Variants in TMEM117 observed in about 807,000 individuals in gnomAD.
TMEM117 encodes transmembrane protein 117.
Under a neutral mutation model 52.4 loss-of-function variants are expected in TMEM117, and 27 were observed. That is an observed-to-expected ratio of 0.51 (90% CI 0.38 to 0.71). The LOEUF is 0.71. Ranked by LOEUF, TMEM117 falls within the 30% of genes least tolerant of loss-of-function variation. The pLI is 0.00. For missense variants in TMEM117, 556 were observed against 630.5 expected, an observed-to-expected ratio of 0.88 and a Z score of 1.26; for synonymous variants, 215 against 206.3, an observed-to-expected ratio of 1.04 and a Z score of -0.36.
intron 2 of TMEM117, among the ~76,000 whole-genome samples, chr12:43,912,762 T>G (rs1944535451): frequency 1.3e-5 from 2 of 152,052 alleles, no homozygotes. Context: ...TTAATATATG[T>G]GTAGCCTTTA....
At chr12:43,833,381 C>T (rs752956310), upstream of TMEM117, among the ~76,000 whole-genome samples, 2 of 152,094 alleles carry the variant, frequency 1.3e-5, no homozygotes, top group Non-Finnish European at 2.9e-5. Context: ...GATTTTTATC[C>T]CACTATCCCC....
At position 44,389,530 on chromosome 12, in the gene TMEM117, A is replaced by G. The variant is rs1457282152; in HGVS notation, c.*858A>G. 6.6e-6 allele frequency: 1 copy of G among 152,510 alleles called. No homozygotes were observed. Among genetic ancestry groups the G allele is most frequent in the Non-Finnish European group, 1.5e-5 (1 of 67,996 alleles). 9.4% of individuals were successfully genotyped at this position (152,510 alleles called of 1,614,324 possible). On this transcript the variant is annotated 3_prime_UTR_variant, in exon 8 of 8. Transcript: ENST00000266534. ...ATGAGAGCAGCACATCCCACCATTT[A>G]CAATATTCGTATATCTTTCTGCAAA...
At chr12:44,114,707 G>A (rs1267530874) in intron 3 of TMEM117, among the ~76,000 whole-genome samples, 2 of 152,170 alleles carry the variant, frequency 1.3e-5, no homozygotes, top group African/African-American at 2.4e-5. Context: ...GAATCTCTCT[G>A]AGCATCAGGG....
At chr12:44,075,661 A>T (rs544211272) in intron 3 of TMEM117, among the ~76,000 whole-genome samples, 6 of 152,258 alleles carry the variant, frequency 3.9e-5, no homozygotes, top group African/African-American at 1.4e-4. Context: ...AATCTAAGCT[A>T]ATTTATTTAA....
intron 3 of TMEM117, among the ~76,000 whole-genome samples, chr12:44,076,713 A>G (rs770142205): frequency 6.6e-6 from 1 of 152,230 alleles, no homozygotes; most frequent in Non-Finnish European, 1.5e-5. Context: ...TTATGCATGG[A>G]TAAACATAGT....
intron 3 of TMEM117, among the ~76,000 whole-genome samples, chr12:43,973,308 G>A (rs188736776): frequency 6.6e-6 from 1 of 152,166 alleles, no homozygotes; most frequent in East Asian, 1.9e-4. Flanking sequence ...TAATTCAGTC[G>A]ACTGAGAAGG....
At chr12:44,024,385 C>G (rs1946500077) in intron 3 of TMEM117, among the ~76,000 whole-genome samples, 1 of 152,054 alleles carries the variant, frequency 6.6e-6, no homozygotes, top group African/African-American at 2.4e-5. Context: ...GGGAGCAGTC[C>G]TCACCGTTAC....
At chr12:44,336,208 T>C (rs1263052190) in intron 6 of TMEM117, among the ~76,000 whole-genome samples, 6 of 152,012 alleles carry the variant, frequency 3.9e-5, no homozygotes, top group Non-Finnish European at 8.8e-5. Flanking sequence ...TCCCAGCATT[T>C]ACTCACCCTG....
intron 2 of TMEM117, among the ~76,000 whole-genome samples, chr12:43,878,123 C>T (rs908786337): frequency 4.7e-5 from 7 of 149,462 alleles, no homozygotes; most frequent in Non-Finnish European, 7.4e-5. Flanking sequence ...AAAATCAGGG[C>T]CTTAACAAAC....
intron 5 of TMEM117, among the ~76,000 whole-genome samples, chr12:44,295,082 G>A (rs1484653013): frequency 2.6e-5 from 4 of 152,118 alleles, no homozygotes; most frequent in East Asian, 1.9e-4. Flanking sequence ...GTTTTCAGAC[G>A]TTATTTCTTT....
chr12:44,107,206 T>A (rs1029595542), intron 3 of TMEM117, among the ~76,000 whole-genome samples: 3 of 152,100 alleles, frequency 2.0e-5, no homozygotes, highest in African/African-American at 4.8e-5. Flanking sequence ...AAATTGAAGT[T>A]AAAAATTAAC....
intron 3 of TMEM117, among the ~76,000 whole-genome samples, chr12:44,012,129 C>T (rs147944393): frequency 8.5e-5 from 13 of 152,238 alleles, no homozygotes; most frequent in Non-Finnish European, 1.0e-4. Context: ...CTTTTTATTG[C>T]GTGGTTTCTG....
intron 4 of TMEM117, among the ~76,000 whole-genome samples, chr12:44,149,931 G>C (rs757084591): frequency 3.3e-5 from 5 of 152,180 alleles, no homozygotes; most frequent in Non-Finnish European, 7.4e-5. Flanking sequence ...AGAAGGCCAG[G>C]ATGAGCAAAC....
At chr12:44,180,442 C>A (rs1476386487) in intron 4 of TMEM117, among the ~76,000 whole-genome samples, 1 of 150,546 alleles carries the variant, frequency 6.6e-6, no homozygotes, top group East Asian at 2.0e-4. Flanking sequence ...CATGCTGGTG[C>A]GCTGCACCCA....
intron 3 of TMEM117, among the ~76,000 whole-genome samples, chr12:44,006,400 A>G (rs1289398842): frequency 6.6e-6 from 1 of 152,154 alleles, no homozygotes; most frequent in Non-Finnish European, 1.5e-5. Context: ...GAGAGAAACA[A>G]CTAGAATGGG....
At chr12:43,922,211 T>C (rs1158354380) in intron 2 of TMEM117, among the ~76,000 whole-genome samples, 3 of 152,160 alleles carry the variant, frequency 2.0e-5, no homozygotes, top group African/African-American at 7.2e-5. Flanking sequence ...TCTCTCTCTT[T>C]CTTGGTATTA....
rs1435107048 is a variant in TMEM117 at position 44,204,674 on chromosome 12, A to G, written c.511-6616A>G. Among the ~76,000 whole-genome samples the G allele has an allele frequency of 2.6e-5, 4 of 152,292 alleles. No homozygotes were observed. The East Asian group carries it at 7.7e-4, about 29-fold the overall frequency. On this transcript the variant is annotated intron_variant, in intron 4 of 7. Coordinates refer to ENST00000266534, the MANE Select transcript of TMEM117 (RefSeq NM_032256.3). ...CAAACTACACTACAAATCTACTGTA[A>G]CCAAAACAGCATATTGGTACAAAAA...
intron 2 of TMEM117, among the ~76,000 whole-genome samples, chr12:43,884,185 AG>A (rs1943950068): frequency 6.6e-6 from 1 of 151,946 alleles, no homozygotes; most frequent in African/African-American, 2.4e-5. Flanking sequence ...TATTAGTGAA[AG>A]GAGCCAAAAT....
At chr12:44,155,420 T>G (rs1177264362) in intron 4 of TMEM117, among the ~76,000 whole-genome samples, 1 of 152,130 alleles carries the variant, frequency 6.6e-6, no homozygotes, top group Admixed American at 6.6e-5. Context: ...CTCCCTAGAC[T>G]TGCTGGTTTG....
Sources: gnomAD v4.1 joint callset for allele counts (sites outside exome capture counted in the v4.1 genomes callset) on GRCh38, gnomAD v4.1.1 for gene constraint, MANE v1.5 for transcripts, NCBI Gene and HGNC (gene_info 2026-07-23, HGNC 2026-07-21) for gene names.